Variants in SEC22C observed in about 807,000 individuals in gnomAD.
SEC22C encodes vesicle-trafficking protein SEC22c.
In SEC22C, 29 loss-of-function variants were observed where a neutral mutation model predicts 34.7. That is an observed-to-expected ratio of 0.84 (90% CI 0.62 to 1.14). The LOEUF (loss-of-function observed/expected upper bound fraction) is 1.14, where lower values mean the gene tolerates loss of function less well. Ranked by LOEUF, SEC22C falls within the 50% of genes most tolerant of loss-of-function variation. The pLI, the probability that SEC22C is intolerant of heterozygous loss-of-function variation, is 0.00. For missense variants in SEC22C, 337 were observed against 369.0 expected, an observed-to-expected ratio of 0.91 and a Z score of 0.71; for synonymous variants, 117 against 132.8, an observed-to-expected ratio of 0.88 and a Z score of 0.82.
intron 4 of SEC22C, 87 bp from the exon 5 acceptor site, chr3:42,557,783 T>G (rs1702619873): frequency 1.6e-6 from 1 of 641,604 alleles, no homozygotes; most frequent in Non-Finnish European, 2.9e-6. Flanking sequence ...AGACCTACAC[T>G]AATGATAGGT....
intron 4 of SEC22C, among the ~76,000 whole-genome samples, chr3:42,559,682 T>C (rs749643464): frequency 1.1e-3 from 162 of 152,234 alleles, no homozygotes; most frequent in Non-Finnish European, 1.9e-3. Context: ...ACTATTATAG[T>C]GTAGACACTT....
At chr3:42,598,246 A>G (rs1705090791) in intron 1 of SEC22C, among the ~76,000 whole-genome samples, 1 of 152,368 alleles carries the variant, frequency 6.6e-6, no homozygotes, top group Admixed American at 6.5e-5. Flanking sequence ...TTCAGCCTCA[A>G]AAAAGGAAAT....
intron 1 of SEC22C, among the ~76,000 whole-genome samples, chr3:42,578,041 C>T (rs574154373): frequency 2.0e-5 from 3 of 151,956 alleles, no homozygotes; most frequent in Non-Finnish European, 4.4e-5. Flanking sequence ...ATTGTACAAT[C>T]TACCAATCAC....
chr3:42,590,856 G>T, intron 1 of SEC22C: 1 of 1,607,990 alleles, frequency 6.2e-7, no homozygotes, highest in Non-Finnish European at 8.5e-7. Flanking sequence ...ACCTATCGTG[G>T]GTCGAGTTGC....
intron 4 of SEC22C, among the ~76,000 whole-genome samples, 186 bp downstream of exon 4, chr3:42,560,931 C>T (rs988542259): frequency 1.4e-4 from 22 of 152,070 alleles, no homozygotes; most frequent in Admixed American, 6.6e-4. Flanking sequence ...TGAGCCTCCA[C>T]GCCTGGCCTG....
upstream of SEC22C, among the ~76,000 whole-genome samples, chr3:42,586,645 G>A (rs1030580945): frequency 5.3e-5 from 8 of 149,866 alleles, no homozygotes; most frequent in Non-Finnish European, 8.8e-5. Flanking sequence ...TATATCTCTA[G>A]TCTCTTTCTC....
intron 6 of SEC22C, among the ~76,000 whole-genome samples, chr3:42,555,684 T>G (rs994160544): frequency 6.6e-6 from 1 of 152,200 alleles, no homozygotes; most frequent in Non-Finnish European, 1.5e-5. Context: ...GTTCTGCTGC[T>G]GTCAATAGCC....
intron 1 of SEC22C, chr3:42,590,734 G>C: frequency 1.3e-6 from 1 of 766,096 alleles, no homozygotes; most frequent in Non-Finnish European, 2.3e-6. Flanking sequence ...TGGGGGCTGG[G>C]ACCGAGGAAA....
chr3:42,548,382 G>T lies in SEC22C; in HGVS notation c.*4866C>A. 1 of 582,510 alleles carries T rather than the reference G, an allele frequency of 1.7e-6. No individual in the cohort carries two copies. The allele number at this position is 582,510 out of a possible 1,614,324, so 36.1% of individuals were successfully genotyped here. A position where few individuals can be genotyped will look rare whatever the true frequency, so the allele number is the denominator to read the frequency against. ...TCATATGTACTAAGCATGGGTCAGA[G>T]GAATAGAATGGATTTGTTAATTTTA... On this transcript the variant is annotated 3_prime_UTR_variant, in exon 7 of 7. Coordinates refer to ENST00000264454, the MANE Select transcript of SEC22C (RefSeq NM_032970.4).
Position 42,551,292 on chromosome 3 carries a change from T to A in SEC22C, c.*1956A>T, listed in dbSNP as rs890281730. On this transcript the variant is annotated 3_prime_UTR_variant, in exon 7 of 7. Transcript: ENST00000264454. ...GAAAATTATGCAGATGTGAAATCAG[T>A]GTAGAGACAACTTTGGAGTTTATGT... is the stretch of plus-strand genomic sequence containing the variant. The A allele has an allele frequency of 2.3e-5, 23 of 985,416 alleles. No individual in the cohort carries two copies. The highest frequency in any genetic ancestry group is 2.8e-5 in the Non-Finnish European group (23 of 829,942). 61.0% of individuals were successfully genotyped at this position (985,416 alleles called of 1,614,324 possible).
Position 42,590,431 on chromosome 3 carries a change from C to T in SEC22C, c.-28+10529G>A, listed in dbSNP as rs186095462. Among the ~76,000 whole-genome samples, 67 of 152,236 alleles carry T rather than the reference C, an allele frequency of 4.4e-4. 1 individual carries two copies. Among genetic ancestry groups the T allele is most frequent in the Admixed American group, 7.2e-4 (11 of 15,300 alleles). On this transcript the variant is annotated intron_variant, in intron 1 of 6. Coordinates refer to the SEC22C transcript ENST00000417572. ...GGATCACGAGGTCAGGAGACCGAGA[C>T]CATCCTGGCTAATATGGTGAAACCC...
At chr3:42,587,038 C>A (rs1467362021) in intron 1 of SEC22C, among the ~76,000 whole-genome samples, 1 of 152,202 alleles carries the variant, frequency 6.6e-6, no homozygotes, top group African/African-American at 2.4e-5. Flanking sequence ...GCCAAATCTA[C>A]TTCTAATGTC....
chr3:42,552,106 GATCA>G lies in SEC22C; in HGVS notation c.*1138_*1141del. ...CCAGAACCATATTTTGGAAAACTGT[GATCA>G]ATCAATTTTTTGACAGTGAAAGAGA... is the stretch of plus-strand genomic sequence containing the variant. On this transcript the variant is annotated 3_prime_UTR_variant, in exon 7 of 7. Transcript: ENST00000264454. The G allele has an allele frequency of 2.0e-6, 2 of 985,368 alleles. No individual in the cohort carries two copies. The highest frequency in any genetic ancestry group is 2.4e-6 in the Non-Finnish European group (2 of 829,878). 61.0% of individuals were successfully genotyped at this position (985,368 alleles called of 1,614,324 possible).
intron 3 of SEC22C, 124 bp downstream of exon 3, chr3:42,563,399 C>T (rs966357771): frequency 1.7e-5 from 13 of 743,684 alleles, no homozygotes; most frequent in East Asian, 5.4e-5. Flanking sequence ...CAAGTCTGTT[C>T]TTCAATGACA....
chr3:42,573,134 G>A (rs988914557), intron 1 of SEC22C, among the ~76,000 whole-genome samples: 2 of 151,950 alleles, frequency 1.3e-5, no homozygotes, highest in African/African-American at 4.8e-5. Flanking sequence ...TTATAGGGGT[G>A]AGCCACCACA....
Position 42,569,009 on chromosome 3 carries a change from C to G in SEC22C, c.38G>C (p.Arg13Thr), listed in dbSNP as rs772783305. Reference sequence around the variant, plus strand: ...AGAGGCTGAGAGGGGCAGTCCATCCCTTACCCGTACCACGCAGGCAAAAAA... The same window carrying G: ...AGAGGCTGAGAGGGGCAGTCCATCCGTTACCCGTACCACGCAGGCAAAAAA... ...VIFFACVVRVRDGLPLSASTD... is the reference protein window; with the variant it reads ...VIFFACVVRVTDGLPLSASTD... The change falls in exon 2 of 7, where the codon AGG (arginine) becomes ACG (threonine). Residue 13 changes from arginine (R) to threonine (T), a missense_variant. Transcript: ENST00000264454. 1.2e-6 allele frequency: 2 copies of G among 1,613,956 alleles called. No individual in the cohort carries two copies. The highest frequency in any genetic ancestry group is 1.7e-6 in the Non-Finnish European group (2 of 1,180,026).
At chr3:42,554,317 T>C (rs1170126921) in intron 6 of SEC22C, among the ~76,000 whole-genome samples, 1 of 152,196 alleles carries the variant, frequency 6.6e-6, no homozygotes, top group African/African-American at 2.4e-5. Flanking sequence ...TTTCATGGGT[T>C]GAAAATTTCT....
rs148476496 is a variant in SEC22C at position 42,561,281 on chromosome 3, T to C, written c.362A>G (p.Lys121Arg). 5.3e-4 allele frequency: 863 copies of C among 1,614,208 alleles called. No individual in the cohort carries two copies. Among genetic ancestry groups the C allele is most frequent in the Non-Finnish European group, 6.9e-4 (810 of 1,180,006 alleles). ...AFLEFDSIIQKVKWHFNYVSS... is the reference protein window; with the variant it reads ...AFLEFDSIIQRVKWHFNYVSS... ...TACATAGTTAAAATGCCACTTCACT[T>C]TCTGAATGATGCTGTCTGCAAAAAG... Residue 121 changes from lysine to arginine, a missense_variant, in exon 4 of 7, where the codon AAA becomes AGA. Lys to Arg is a conservative substitution (Grantham distance 26). Coordinates refer to ENST00000264454, the MANE Select transcript of SEC22C (RefSeq NM_032970.4).
At chr3:42,563,426 G>T (rs1309561849) in intron 3 of SEC22C, 97 bp downstream of exon 3, 3 of 977,074 alleles carry the variant, frequency 3.1e-6, no homozygotes, top group Admixed American at 2.4e-5. Context: ...TGCATCTCCA[G>T]TGGTTTTCCT....
Sources: gnomAD v4.1 joint callset for allele counts (sites outside exome capture counted in the v4.1 genomes callset) on GRCh38, gnomAD v4.1.1 for gene constraint, MANE v1.5 for transcripts, NCBI Gene and HGNC (gene_info 2026-07-23, HGNC 2026-07-21) for gene names.